The following KIF3A variants were observed in gnomAD, a reference collection of about 807,000 sequenced individuals.
KIF3A encodes kinesin family member 3A, also known as kinesin-like protein KIF3A.
KIF3A carries 27 observed loss-of-function variants against 92.6 expected under a neutral mutation model. The observed-to-expected ratio is 0.29, with a 90% CI of 0.21 to 0.40. The LOEUF (loss-of-function observed/expected upper bound fraction) is 0.40, where lower values mean the gene tolerates loss of function less well. Among genes scored for constraint, KIF3A ranks in the 10% least tolerant of loss-of-function variants. The pLI, the probability that KIF3A is intolerant of heterozygous loss-of-function variation, is 1.00. For synonymous variants in KIF3A, 250 were observed against 275.4 expected (o/e 0.91, Z 0.92); for missense variants, 581 against 872.6 (o/e 0.67, Z 4.21).
Position 132,737,500 on chromosome 5 carries a change from G to A in KIF3A, c.-81C>T. ...ACCGGGTGCGCAGAAAGGATGGCCA[G>A]AGACTACCGAAACACCTCGTTGACG... On this transcript the variant is annotated 5_prime_UTR_variant, in exon 1 of 19. Coordinates refer to ENST00000403231, the MANE Select transcript of KIF3A (RefSeq NM_001300791.2). 1 of 1,530,610 alleles carries A rather than the reference G, an allele frequency of 6.5e-7. No individual in the cohort carries two copies. The allele number at this position is 1,530,610 out of a possible 1,614,324, so 94.8% of individuals were successfully genotyped here.
chr5:132,697,227 TAATGCATGTATTTGTCC>T (rs1362056307), intron 18 of KIF3A, among the ~76,000 whole-genome samples: 1 of 152,230 alleles, frequency 6.6e-6, no homozygotes. Flanking sequence ...ATAAACCATT[TAATGCATGTATTTGTCC>T]ATGTTTATGG....
In KIF3A at chr5:132,716,454, C is replaced by A. The variant is rs780959762; in HGVS notation, c.757-12G>T. 1.9e-6 allele frequency: 3 copies of A among 1,601,492 alleles called. No individual in the cohort carries two copies. The East Asian group carries it at 6.7e-5, about 36-fold the overall frequency. On this transcript the variant is annotated splice_polypyrimidine_tract_variant and intron_variant, in intron 6 of 18. Coordinates refer to ENST00000403231, the MANE Select transcript of KIF3A (RefSeq NM_001300791.2). ...TGTCTTTCTGAACCCTAGCAATAAACAGAGATGAAAGTAAAGCTAAAATTT... is the reference window on the plus strand; with the variant it reads ...TGTCTTTCTGAACCCTAGCAATAAAAAGAGATGAAAGTAAAGCTAAAATTT...
At chr5:132,734,162 T>C in intron 2 of KIF3A, 43 bp downstream of exon 2, 1 of 1,454,880 alleles carries the variant, frequency 6.9e-7, no homozygotes, top group Non-Finnish European at 9.5e-7. Context: ...ACAGTAATTA[T>C]GTCTCAATAA....
At chr5:132,703,199 C>T (rs535309314) in intron 12 of KIF3A, 134 bp from the exon 13 acceptor site, 28 of 764,802 alleles carry the variant, frequency 3.7e-5, no homozygotes, top group Non-Finnish European at 5.0e-5. Context: ...TGCCAAATTA[C>T]ACCACTGTGT....
intron 2 of KIF3A, among the ~76,000 whole-genome samples, chr5:132,731,784 C>G (rs10463516): frequency 0.32 from 47,799 of 151,334 alleles, 10,430 homozygotes; most frequent in East Asian, 0.75. Flanking sequence ...GATCTTGGTT[C>G]ACTGCAACCT....
chr5:132,700,138 C>T lies in KIF3A; in HGVS notation c.2007+78G>A. ...ATTAACAGATATCAAGTTGATAATACAATTTAATGACTCATATTCCTATAA... is the reference window on the plus strand; with the variant it reads ...ATTAACAGATATCAAGTTGATAATATAATTTAATGACTCATATTCCTATAA... On this transcript the variant is annotated intron_variant, in intron 17 of 18. Coordinates refer to ENST00000403231, the MANE Select transcript of KIF3A (RefSeq NM_001300791.2). 2 of 799,290 alleles carry T rather than the reference C, an allele frequency of 2.5e-6. 1 individual carries two copies. The highest frequency in any genetic ancestry group is 3.3e-5 in the South Asian group (2 of 60,348). 49.5% of individuals were successfully genotyped at this position (799,290 alleles called of 1,614,324 possible).
chr5:132,693,980 CAAA>C lies in KIF3A; in HGVS notation c.*2651_*2653del, dbSNP rs753479660. The C allele has an allele frequency of 2.6e-5, 3 of 114,504 alleles. No homozygotes were observed. The highest frequency in any genetic ancestry group is 2.4e-4 in the East Asian group (1 of 4,174). 7.1% of individuals were successfully genotyped at this position (114,504 alleles called of 1,614,324 possible). On this transcript the variant is annotated 3_prime_UTR_variant, in exon 19 of 19. Coordinates refer to ENST00000403231, the MANE Select transcript of KIF3A (RefSeq NM_001300791.2). ...TGGGCGACAGAGTAAGACTCCGTCT[CAAA>C]AAAAAAAAAAAGATATTCAGGCCAG... is the stretch of plus-strand genomic sequence containing the variant.
intron 2 of KIF3A, among the ~76,000 whole-genome samples, chr5:132,733,675 G>A (rs1410298037): frequency 6.6e-6 from 1 of 152,226 alleles, no homozygotes; most frequent in Non-Finnish European, 1.5e-5. Context: ...GCAGAAGTGA[G>A]AGGATAGCTT....
intron 1 of KIF3A, 58 bp from the exon 2 acceptor site, chr5:132,734,536 AT>A (rs1220613293): frequency 5.4e-6 from 8 of 1,486,706 alleles, no homozygotes; most frequent in Non-Finnish European, 7.2e-6. Flanking sequence ...CCCTCATCAG[AT>A]TAAATTTATA....
chr5:132,695,983 A>G lies in KIF3A; in HGVS notation c.*651T>C, dbSNP rs960599337. The G allele has an allele frequency of 2.6e-5, 4 of 152,444 alleles. No homozygotes were observed. Among genetic ancestry groups the G allele is most frequent in the African/African-American group, 9.6e-5 (4 of 41,458 alleles). 9.4% of individuals were successfully genotyped at this position (152,444 alleles called of 1,614,324 possible). A position where few individuals can be genotyped will look rare whatever the true frequency, so the allele number is the denominator to read the frequency against. On this transcript the variant is annotated 3_prime_UTR_variant, in exon 19 of 19. Transcript: ENST00000403231. ...TATTTGATTTGAACTCAAACTGGCAAAAAAAAGTTAGGAAAGGTTCAGATG... is the reference window on the plus strand; with the variant it reads ...TATTTGATTTGAACTCAAACTGGCAGAAAAAAGTTAGGAAAGGTTCAGATG...
At chr5:132,714,209 G>A (rs1490534028) in intron 8 of KIF3A, among the ~76,000 whole-genome samples, 1 of 151,950 alleles carries the variant, frequency 6.6e-6, no homozygotes, top group Non-Finnish European at 1.5e-5. Context: ...TTCCGCTTTC[G>A]TAAGATACCC....
chr5:132,701,075 G>A (rs950082277), intron 15 of KIF3A, among the ~76,000 whole-genome samples: 2 of 151,104 alleles, frequency 1.3e-5, no homozygotes, highest in African/African-American at 2.4e-5. Context: ...GGCCATCCAA[G>A]GACCAATAAG....
chr5:132,711,644 T>C (rs1753429897), intron 8 of KIF3A, among the ~76,000 whole-genome samples: 1 of 151,950 alleles, frequency 6.6e-6, no homozygotes, highest in African/African-American at 2.4e-5. Flanking sequence ...TTTAAATATA[T>C]ATATAAATTA....
intron 14 of KIF3A, 95 bp from the exon 15 acceptor site, chr5:132,702,307 G>C: frequency 8.3e-7 from 1 of 1,203,048 alleles, no homozygotes; most frequent in African/African-American, 1.5e-5. Flanking sequence ...GAAACCTTGT[G>C]AGAGCTTACC....
At chr5:132,711,182 T>A in intron 8 of KIF3A, 125 bp from the exon 9 acceptor site, 1 of 769,480 alleles carries the variant, frequency 1.3e-6, no homozygotes, top group Non-Finnish European at 2.2e-6. Context: ...AAATACTATT[T>A]AAATGCTCCT....
chr5:132,707,387 A>C (rs1373464146), intron 10 of KIF3A, among the ~76,000 whole-genome samples: 1 of 152,214 alleles, frequency 6.6e-6, no homozygotes, highest in Admixed American at 6.5e-5. Flanking sequence ...CCACATTACA[A>C]GAAAAAAATT....
intron 18 of KIF3A, chr5:132,697,430 A>T (rs6883504): frequency 6.6e-6 from 1 of 151,704 alleles, no homozygotes; most frequent in African/African-American, 2.4e-5. Context: ...TTATTTATTC[A>T]TTTGCTTTAG....
chr5:132,702,004 G>C (rs1351519753), intron 15 of KIF3A, 83 bp downstream of exon 15: 1 of 1,352,868 alleles, frequency 7.4e-7, no homozygotes, highest in Non-Finnish European at 1.0e-6. Context: ...GAAGTATTAA[G>C]TATTTATCAT....
Position 132,737,498 on chromosome 5 carries a change from CA to C in KIF3A, c.-80del. ...ACACCGGGTGCGCAGAAAGGATGGC[CA>C]GAGACTACCGAAACACCTCGTTGAC... On this transcript the variant is annotated 5_prime_UTR_variant, in exon 1 of 19. Coordinates refer to ENST00000403231, the MANE Select transcript of KIF3A (RefSeq NM_001300791.2). The C allele has an allele frequency of 6.5e-7, 1 of 1,534,498 alleles. No individual in the cohort carries two copies. Among genetic ancestry groups the C allele is most frequent in the Non-Finnish European group, 8.9e-7 (1 of 1,123,718 alleles).
Sources: gnomAD v4.1 joint callset for allele counts (sites outside exome capture counted in the v4.1 genomes callset) on GRCh38, gnomAD v4.1.1 for gene constraint, MANE v1.5 for transcripts, NCBI Gene and HGNC (gene_info 2026-07-23, HGNC 2026-07-21) for gene names.